Variants in MAP3K5 observed in about 807,000 individuals in gnomAD.
MAP3K5 encodes mitogen-activated protein kinase kinase kinase 5, also known as ASK-1.
Under a neutral mutation model 158.7 loss-of-function variants are expected in MAP3K5, and 56 were observed. That is an observed-to-expected ratio of 0.35 (90% CI 0.28 to 0.44). MAP3K5 has a LOEUF of 0.44. MAP3K5 is among the 20% of genes least tolerant of loss of function. MAP3K5 has a pLI of 1.00. For missense variants in MAP3K5, 1,294 were observed against 1,674.8 expected, an observed-to-expected ratio of 0.77 and a Z score of 3.97; for synonymous variants, 579 against 601.7, an observed-to-expected ratio of 0.96 and a Z score of 0.55.
intron 6 of MAP3K5, 37 bp downstream of exon 6, chr6:136,695,914 T>A (rs745336477): frequency 1.6e-6 from 2 of 1,239,042 alleles, no homozygotes; most frequent in Admixed American, 3.5e-5. Flanking sequence ...CACAATAATA[T>A]GTTAACGCAT....
intron 7 of MAP3K5, among the ~76,000 whole-genome samples, chr6:136,682,388 G>C (rs1438984398): frequency 2.0e-5 from 3 of 152,132 alleles, no homozygotes; most frequent in African/African-American, 7.2e-5. Context: ...AAGGAAACAA[G>C]GCTAATCTGG....
At chr6:136,560,480 A>G (rs1312726429) in intron 28 of MAP3K5, among the ~76,000 whole-genome samples, 5 of 152,320 alleles carry the variant, frequency 3.3e-5, no homozygotes, top group Non-Finnish European at 1.5e-5. Flanking sequence ...TTGTGTCTCA[A>G]AAAACAAAAT....
intron 1 of MAP3K5, among the ~76,000 whole-genome samples, chr6:136,780,388 A>T (rs191957347): frequency 6.6e-6 from 1 of 152,318 alleles, no homozygotes; most frequent in African/African-American, 2.4e-5. Flanking sequence ...TAGCAAATTC[A>T]TTTCACCATT....
intron 21 of MAP3K5, among the ~76,000 whole-genome samples, chr6:136,595,878 T>C (rs554424944): frequency 3.9e-5 from 6 of 151,956 alleles, no homozygotes; most frequent in Non-Finnish European, 8.8e-5. Flanking sequence ...GACATGGTGG[T>C]GTGTGCCTGT....
At chr6:136,603,127 G>C (rs2129086354) in intron 19 of MAP3K5, among the ~76,000 whole-genome samples, 1 of 151,230 alleles carries the variant, frequency 6.6e-6, no homozygotes, top group African/African-American at 2.4e-5. Flanking sequence ...CTAAGTGCTT[G>C]GTACATTTTA....
intron 21 of MAP3K5, among the ~76,000 whole-genome samples, chr6:136,596,067 C>A (rs1370734665): frequency 2.0e-5 from 3 of 149,904 alleles, no homozygotes; most frequent in African/African-American, 7.5e-5. Context: ...AGAACCTCAG[C>A]AGCCTACCTG....
Position 136,620,916 on chromosome 6 carries a change from C to G in MAP3K5, c.2150+1932G>C, listed in dbSNP as rs370127530. 5.3e-5 allele frequency among the ~76,000 whole-genome samples: 8 copies of G among 152,208 alleles called. No individual in the cohort carries two copies. In the East Asian group the frequency reaches 5.8e-4, roughly 11 times the overall value. On this transcript the variant is annotated intron_variant, in intron 15 of 29. Coordinates refer to ENST00000359015, the MANE Select transcript of MAP3K5 (RefSeq NM_005923.4). ...GCAACAGATAATCCTATCACCAGAG[C>G]GCTTCAGTTTCCTGAACATTTTTGT... is the stretch of plus-strand genomic sequence containing the variant.
chr6:136,635,620 G>A (rs1173163464), intron 14 of MAP3K5, among the ~76,000 whole-genome samples: 1 of 151,136 alleles, frequency 6.6e-6, no homozygotes, highest in Admixed American at 6.6e-5. Flanking sequence ...CAGGCATGGT[G>A]CTTATCCCTA....
chr6:136,576,499 G>T (rs747698170), intron 25 of MAP3K5, among the ~76,000 whole-genome samples: 6 of 151,974 alleles, frequency 3.9e-5, no homozygotes, highest in African/African-American at 4.8e-5. Context: ...TAGAGACAGG[G>T]TCTTGATATT....
intron 10 of MAP3K5, among the ~76,000 whole-genome samples, chr6:136,655,874 C>A (rs1778722380): frequency 6.6e-6 from 1 of 152,042 alleles, no homozygotes; most frequent in Admixed American, 6.6e-5. Flanking sequence ...TAACTCTGAC[C>A]CACCTGGGTA....
At chr6:136,630,600 G>T (rs540125332) in intron 14 of MAP3K5, among the ~76,000 whole-genome samples, 1 of 152,196 alleles carries the variant, frequency 6.6e-6, no homozygotes, top group Non-Finnish European at 1.5e-5. Context: ...TCCTCTCCAG[G>T]AGGTTAATGA....
At chr6:136,792,917 T>C (rs1317491642), upstream of MAP3K5, among the ~76,000 whole-genome samples, 3 of 152,106 alleles carry the variant, frequency 2.0e-5, no homozygotes, top group African/African-American at 7.2e-5. The surrounding 1 kb of genome is among the most constrained non-coding windows in gnomAD (Gnocchi z 5.7). Flanking sequence ...AGGGCGCTGC[T>C]AGGAAGCTCG....
intron 1 of MAP3K5, among the ~76,000 whole-genome samples, chr6:136,749,898 A>G (rs1316244017): frequency 6.6e-6 from 1 of 152,154 alleles, no homozygotes; most frequent in African/African-American, 2.4e-5. Flanking sequence ...GCTCACGGTG[A>G]GCAGCTATAT....
intron 7 of MAP3K5, among the ~76,000 whole-genome samples, chr6:136,676,793 CTT>C (rs67161871): frequency 0.14 from 18,033 of 130,462 alleles, 1,140 homozygotes; most frequent in African/African-American, 0.28. Flanking sequence ...CTTTTCTTTT[CTT>C]TTTTTTTTTT....
chr6:136,759,454 CTATATATATATATATATA>C (rs570186848), intron 1 of MAP3K5, among the ~76,000 whole-genome samples: 7 of 98,126 alleles, frequency 7.1e-5, no homozygotes, highest in African/African-American at 2.7e-4. Context: ...TATACTAAAA[CTATATATATATATATATA>C]TATATATATA....
intron 1 of MAP3K5, among the ~76,000 whole-genome samples, chr6:136,776,839 C>T (rs925225414): frequency 4.6e-5 from 7 of 152,172 alleles, no homozygotes; most frequent in Non-Finnish European, 8.8e-5. Context: ...ACAGCCCTTA[C>T]TTTTAGACTT....
Position 136,567,886 on chromosome 6 carries a change from AAT to A in MAP3K5, c.3518-14_3518-13del, listed in dbSNP as rs773186021. The A allele has an allele frequency of 6.8e-6, 11 of 1,612,750 alleles. No homozygotes were observed. Among genetic ancestry groups the A allele is most frequent in the Non-Finnish European group, 3.4e-6 (4 of 1,179,604 alleles). ...ATGTGGCCTTAGTTCTGTTTGGCAT[AAT>A]ATCAGTGGTAGTGTTTATAAAATAT... is the stretch of plus-strand genomic sequence containing the variant. On this transcript the variant is annotated splice_polypyrimidine_tract_variant and intron_variant, in intron 25 of 29. Transcript: ENST00000359015.
chr6:136,757,592 T>TA lies in MAP3K5; in HGVS notation c.448+34117_448+34118insT, dbSNP rs1167689850. ...ATTTATTTATTTATTTTTTATTTTT[T>TA]TTTTTTTTTTTTGAGACGGAGTTTC... On this transcript the variant is annotated intron_variant, in intron 1 of 29. Transcript: ENST00000359015. Among the ~76,000 whole-genome samples, 31 of 147,116 alleles carry TA rather than the reference T, an allele frequency of 2.1e-4. 1 individual carries two copies. Among genetic ancestry groups the TA allele is most frequent in the South Asian group, 6.4e-4 (3 of 4,714 alleles).
chr6:136,758,879 A>G (rs376483317), intron 1 of MAP3K5, among the ~76,000 whole-genome samples: 9 of 152,328 alleles, frequency 5.9e-5, no homozygotes, highest in African/African-American at 2.2e-4. Context: ...CCTGTATTAA[A>G]TATAGACTTT....
Sources: gnomAD v4.1 joint callset for allele counts (sites outside exome capture counted in the v4.1 genomes callset) on GRCh38, gnomAD v4.1.1 for gene constraint, Gnocchi (gnomAD v3.1) non-coding constraint, MANE v1.5 for transcripts, NCBI Gene and HGNC (gene_info 2026-07-23, HGNC 2026-07-21) for gene names.